The following NDRG2 variants were observed in gnomAD, a reference collection of about 807,000 sequenced individuals.
The protein encoded by NDRG2 is NDRG family member 2.
NDRG2 carries 34 observed loss-of-function variants against 58.2 expected under a neutral mutation model. The observed-to-expected ratio is 0.58, with a 90% CI of 0.44 to 0.78. The LOEUF (loss-of-function observed/expected upper bound fraction) is 0.78. NDRG2 is among the 30% of genes least tolerant of loss of function. NDRG2 has a pLI of 0.00. For synonymous variants in NDRG2, 187 were observed against 175.9 expected (o/e 1.06, Z -0.50); for missense variants, 434 against 471.2 (o/e 0.92, Z 0.73).
chr14:21,020,293 CAAAAA>C (rs11325826), intron 8 of NDRG2, 198 bp downstream of exon 8: 259 of 389,182 alleles, frequency 6.7e-4, no homozygotes, highest in Non-Finnish European at 8.0e-4. Context: ...GACACCATCT[CAAAAA>C]AAAAAAAAAA....
At chr14:21,065,863 C>T (rs2139170156) in intron 1 of NDRG2, among the ~76,000 whole-genome samples, 1 of 152,326 alleles carries the variant, frequency 6.6e-6, no homozygotes. Flanking sequence ...CTTAGGGAGG[C>T]CAAGGTGGGC....
At position 21,070,681 on chromosome 14, in the gene NDRG2, C is replaced by T. The variant is rs544958990; in HGVS notation, c.24+147G>A. ...CTAATCCACACACCTCCCCGCTCCCCGCCCTCCTCTGTCCTGACCTGTGCC... is the reference window on the plus strand; with the variant it reads ...CTAATCCACACACCTCCCCGCTCCCTGCCCTCCTCTGTCCTGACCTGTGCC... On this transcript the variant is annotated intron_variant, in intron 1 of 14. Coordinates refer to the NDRG2 transcript ENST00000403829. The surrounding 1 kb of genome is among the most constrained non-coding windows in gnomAD (Gnocchi z 4.7). 2 of 955,694 alleles carry T rather than the reference C, an allele frequency of 2.1e-6. No individual in the cohort carries two copies. The highest frequency in any genetic ancestry group is 5.3e-5 in the East Asian group (2 of 37,706). 59.2% of individuals were successfully genotyped at this position (955,694 alleles called of 1,614,324 possible).
chr14:21,018,586 C>T (rs1878250567), intron 12 of NDRG2, 82 bp from the exon 13 acceptor site: 2 of 1,569,140 alleles, frequency 1.3e-6, no homozygotes, highest in Admixed American at 3.8e-5. Flanking sequence ...ACCCAGACCC[C>T]AGTCCCTTTT....
At chr14:21,026,890 G>T (rs1056913013), upstream of NDRG2, among the ~76,000 whole-genome samples, 1 of 152,174 alleles carries the variant, frequency 6.6e-6, no homozygotes, top group Non-Finnish European at 1.5e-5. Flanking sequence ...CCAAAGGTGC[G>T]CAAGACAGGA....
intron 1 of NDRG2, among the ~76,000 whole-genome samples, chr14:21,046,636 G>A (rs1885175643): frequency 1.3e-5 from 2 of 152,050 alleles, no homozygotes; most frequent in South Asian, 4.1e-4. Context: ...ACAACATGGA[G>A]GTTAAGGGTG....
At chr14:21,033,014 C>T (rs1226994993) in intron 1 of NDRG2, 1 of 454,940 alleles carries the variant, frequency 2.2e-6, no homozygotes, top group Admixed American at 2.4e-5. Context: ...GGGGCAGACT[C>T]TGGAGTCTGG....
chr14:21,020,974 T>C (rs1158734735), intron 6 of NDRG2, 130 bp from the exon 7 acceptor site: 1 of 1,051,636 alleles, frequency 9.5e-7, no homozygotes, highest in East Asian at 2.5e-5. Flanking sequence ...CGGACCTTTC[T>C]TTGGAGGACG....
At chr14:21,057,779 C>T in intron 1 of NDRG2, 1 of 864,382 alleles carries the variant, frequency 1.2e-6, no homozygotes, top group Non-Finnish European at 1.8e-6. Context: ...GCACATTGCC[C>T]TGCAATAACT....
intron 1 of NDRG2, among the ~76,000 whole-genome samples, chr14:21,064,833 A>T (rs919652723): frequency 6.6e-6 from 1 of 152,164 alleles, no homozygotes; most frequent in Admixed American, 6.5e-5. Flanking sequence ...TTCTACTACA[A>T]TAAGCCTACA....
chr14:21,023,133 G>T (rs570742499), intron 2 of NDRG2, 108 bp downstream of exon 2: 18 of 995,050 alleles, frequency 1.8e-5, no homozygotes, highest in Non-Finnish European at 2.8e-5. Context: ...TAGTGGTGAA[G>T]CAGTGGTGTG....
chr14:21,046,555 A>ATACCTACC (rs879326518), intron 1 of NDRG2, among the ~76,000 whole-genome samples: 5 of 150,778 alleles, frequency 3.3e-5, no homozygotes, highest in African/African-American at 7.3e-5. Context: ...ACATACATAC[A>ATACCTACC]TACATACATA....
At chr14:21,058,828 C>T (rs1885804142) in intron 1 of NDRG2, among the ~76,000 whole-genome samples, 1 of 152,200 alleles carries the variant, frequency 6.6e-6, no homozygotes, top group East Asian at 1.9e-4. Flanking sequence ...TCTGATCTTG[C>T]TGTAATAAAG....
chr14:21,037,378 C>T (rs952407547), intron 1 of NDRG2, among the ~76,000 whole-genome samples: 11 of 152,302 alleles, frequency 7.2e-5, no homozygotes, highest in Admixed American at 5.2e-4. Context: ...CCCATTACAC[C>T]GGGTTTTACA....
At chr14:21,069,851 G>C (rs1296299985) in intron 1 of NDRG2, among the ~76,000 whole-genome samples, 2 of 152,238 alleles carry the variant, frequency 1.3e-5, no homozygotes, top group African/African-American at 2.4e-5. Flanking sequence ...AGGATCCCGG[G>C]CGAGTTAGAG....
At chr14:21,019,029 G>A in intron 11 of NDRG2, 87 bp downstream of exon 11, 2 of 1,441,674 alleles carry the variant, frequency 1.4e-6, no homozygotes, top group Admixed American at 2.1e-5. Context: ...GAAGTTCCCT[G>A]GCAAAAGATT....
intron 13 of NDRG2, 95 bp downstream of exon 13, chr14:21,018,362 C>T (rs1244071687): frequency 1.0e-5 from 16 of 1,603,812 alleles, no homozygotes; most frequent in Non-Finnish European, 1.4e-5. Flanking sequence ...TCTTCGTTCA[C>T]CCCATTTGCT....
intron 1 of NDRG2, among the ~76,000 whole-genome samples, chr14:21,042,767 A>G (rs78200201): frequency 0.052 from 7,859 of 152,228 alleles, 257 homozygotes; most frequent in East Asian, 0.094. Flanking sequence ...AGGGAACAGA[A>G]ATACAAGATG....
intron 12 of NDRG2, 60 bp downstream of exon 12, chr14:21,018,703 T>G (rs964035573): frequency 5.6e-6 from 9 of 1,610,564 alleles, no homozygotes; most frequent in Non-Finnish European, 7.6e-6. Context: ...GATACTCTTC[T>G]GACCACCACT....
chr14:21,032,903 T>A (rs772539927), intron 1 of NDRG2: 1 of 455,088 alleles, frequency 2.2e-6, no homozygotes, highest in Non-Finnish European at 4.4e-6. Context: ...CGTGTGCCCT[T>A]CACCCAGTTT....
Sources: allele counts gnomAD v4.1 joint callset (sites outside exome capture counted in the v4.1 genomes callset), GRCh38; gene constraint gnomAD v4.1.1; non-coding constraint Gnocchi (gnomAD v3.1); transcripts MANE v1.5; gene names NCBI Gene and HGNC (gene_info 2026-07-23, HGNC 2026-07-21).